The following JAZF1 variants were observed in gnomAD, a reference collection of about 807,000 sequenced individuals.
The protein encoded by JAZF1 is JAZF zinc finger 1, also known as juxtaposed with another zinc finger protein 1.
A neutral mutation model predicts 26.4 loss-of-function variants in JAZF1; 8 were observed. That is an observed-to-expected ratio of 0.30 (90% CI 0.18 to 0.55). The LOEUF is 0.55. Ranked by LOEUF, JAZF1 falls within the 20% of genes least tolerant of loss-of-function variation. JAZF1 has a pLI of 0.94. For missense variants in JAZF1, 199 were observed against 322.0 expected, an observed-to-expected ratio of 0.62 and a Z score of 2.92; for synonymous variants, 126 against 122.3, an observed-to-expected ratio of 1.03 and a Z score of -0.20.
intron 1 of JAZF1, among the ~76,000 whole-genome samples, chr7:28,161,888 G>A (rs1783297395): frequency 6.6e-6 from 1 of 152,088 alleles, no homozygotes; most frequent in African/African-American, 2.4e-5. Flanking sequence ...TCTCCTTAAG[G>A]CTCAGTGTCT....
chr7:28,062,221 A>C (rs1783808553), intron 1 of JAZF1, among the ~76,000 whole-genome samples: 1 of 152,146 alleles, frequency 6.6e-6, no homozygotes, highest in African/African-American at 2.4e-5. Context: ...GTGATAATGG[A>C]CTGGACTCGA....
chr7:27,857,386 G>A (rs759185692), intron 3 of JAZF1, among the ~76,000 whole-genome samples: 4 of 152,156 alleles, frequency 2.6e-5, no homozygotes, highest in East Asian at 1.9e-4. Flanking sequence ...TCCCACCTGC[G>A]CCTCTCCCTC....
chr7:28,123,047 C>G (rs75973920), intron 1 of JAZF1, among the ~76,000 whole-genome samples: 2,976 of 152,080 alleles, frequency 0.02, 113 homozygotes, highest in African/African-American at 0.068. Flanking sequence ...AAGTTTTTTC[C>G]AACTCCCCCA....
intron 1 of JAZF1, among the ~76,000 whole-genome samples, chr7:28,020,178 C>A (rs1782979787): frequency 6.6e-6 from 1 of 152,116 alleles, no homozygotes; most frequent in Non-Finnish European, 1.5e-5. Flanking sequence ...TGCTGAAACC[C>A]TCCTTAGATA....
At chr7:28,066,855 T>C (rs751512330) in intron 1 of JAZF1, among the ~76,000 whole-genome samples, 13 of 152,060 alleles carry the variant, frequency 8.5e-5, no homozygotes, top group Non-Finnish European at 1.5e-4. Context: ...TTATGACTCC[T>C]GAAAAGATGA....
intron 1 of JAZF1, among the ~76,000 whole-genome samples, chr7:27,997,251 G>T (rs369261029): frequency 6.6e-6 from 1 of 152,044 alleles, no homozygotes; most frequent in East Asian, 1.9e-4. Flanking sequence ...GAAAATAGGG[G>T]GGTTGTTTAA....
At chr7:28,015,033 ATGTGTGTGTGTGTGTG>A (rs397804972) in intron 1 of JAZF1, among the ~76,000 whole-genome samples, 1 of 140,690 alleles carries the variant, frequency 7.1e-6, no homozygotes, top group Admixed American at 7.0e-5. Flanking sequence ...GAAAGTGTGT[ATGTGTGTGTGTGTGTG>A]TGTGTGTGTG....
rs117092264 is a variant in JAZF1, at chr7:28,029,987, A to G, written c.116-38006T>C. 5.2e-3 allele frequency among the ~76,000 whole-genome samples: 792 copies of G among 152,334 alleles called. 4 individuals are homozygous for G. The highest frequency in any genetic ancestry group is 0.014 in the Middle Eastern group (4 of 294). On this transcript the variant is annotated intron_variant, in intron 1 of 4. Coordinates refer to ENST00000283928, the MANE Select transcript of JAZF1 (RefSeq NM_175061.4). ...CCTTACTTTCAAAATCTGAAAAATA[A>G]CAAGAGTTAATAATACAACTTGGCA... is the stretch of plus-strand genomic sequence containing the variant.
In JAZF1 at chr7:27,888,903, A is replaced by T. The variant is rs574033952; in HGVS notation, c.385+6317T>A. ...AGGAGTAACTATGCGATGCTATTAGAACCAGAAACCCAGCCAGCTCTTTCC... is the reference window on the plus strand; with the variant it reads ...AGGAGTAACTATGCGATGCTATTAGTACCAGAAACCCAGCCAGCTCTTTCC... On this transcript the variant is annotated intron_variant, in intron 3 of 4. Coordinates refer to ENST00000283928, the MANE Select transcript of JAZF1 (RefSeq NM_175061.4). 8.7e-4 allele frequency among the ~76,000 whole-genome samples: 132 copies of T among 152,324 alleles called. No homozygotes were observed. In the Middle Eastern group the frequency reaches 0.01, roughly 12 times the overall value.
At chr7:28,157,420 A>G (rs1433977382) in intron 1 of JAZF1, among the ~76,000 whole-genome samples, 2 of 152,258 alleles carry the variant, frequency 1.3e-5, no homozygotes, top group African/African-American at 4.8e-5. Context: ...CACAGACGGT[A>G]TAAAAATAAG....
chr7:27,895,293 G>T lies in JAZF1; in HGVS notation c.312C>A (p.Ser104Arg), dbSNP rs200368941. The change falls in exon 3 of 5, where the codon AGC (serine) becomes AGA (arginine). Residue 104 changes from serine (S) to arginine (R), a missense_variant. By Grantham distance (110) the Ser-to-Arg change is moderately radical (BLOSUM62 -1). Transcript: ENST00000283928. Reference sequence around the variant, plus strand: ...TCACGGGGGGAGTAAGGCTTCCACTGCTGTGGCGTGGGGGAGTGGACACAT... The same window carrying T: ...TCACGGGGGGAGTAAGGCTTCCACTTCTGTGGCGTGGGGGAGTGGACACAT... ...RGNVSTPPRH[S>R]SGSLTPPVTP... The T allele has an allele frequency of 8.7e-6, 14 of 1,607,538 alleles. No homozygotes were observed. The highest frequency in any genetic ancestry group is 1.3e-5 in the African/African-American group (1 of 74,742).
At chr7:27,893,626 T>C (rs1213591115) in intron 3 of JAZF1, among the ~76,000 whole-genome samples, 1 of 152,240 alleles carries the variant, frequency 6.6e-6, no homozygotes, top group African/African-American at 2.4e-5. Flanking sequence ...GTCAAACTTC[T>C]CTCCGGATGC....
chr7:28,047,832 T>C (rs1783523057), intron 1 of JAZF1, among the ~76,000 whole-genome samples: 2 of 152,188 alleles, frequency 1.3e-5, no homozygotes, highest in Admixed American at 1.3e-4. Flanking sequence ...AGTATTATTT[T>C]TCTGGTATTT....
intron 1 of JAZF1, among the ~76,000 whole-genome samples, chr7:28,103,992 C>T (rs1265480237): frequency 6.6e-6 from 1 of 152,158 alleles, no homozygotes. Flanking sequence ...ACGACCTTAT[C>T]TCCCCCTGCC....
rs1174294352 is a variant in JAZF1, at chr7:27,911,935, G to A, written c.189-16519C>T. On this transcript the variant is annotated intron_variant, in intron 2 of 4. Transcript: ENST00000283928. ...TTATGTTTTTAGATGAACATCTGGG[G>A]TACAAACATTATTTAAGAGTGAAGA... 3.3e-5 allele frequency among the ~76,000 whole-genome samples: 5 copies of A among 152,206 alleles called. No individual in the cohort carries two copies. In the East Asian group the frequency reaches 9.6e-4, roughly 29 times the overall value.
At chr7:28,005,671 T>C (rs570530797) in intron 1 of JAZF1, among the ~76,000 whole-genome samples, 1 of 152,296 alleles carries the variant, frequency 6.6e-6, no homozygotes, top group South Asian at 2.1e-4. Context: ...TTATCGTTCC[T>C]GATTCTGTGC....
chr7:27,978,603 AAGTGATATTACTCT>A (rs1430995989), intron 2 of JAZF1, among the ~76,000 whole-genome samples: 1 of 152,228 alleles, frequency 6.6e-6, no homozygotes, highest in Non-Finnish European at 1.5e-5. Flanking sequence ...AAGTAGGTGG[AAGTGATATTACTCT>A]AGTGATATTA....
intron 1 of JAZF1, among the ~76,000 whole-genome samples, chr7:28,109,328 T>C (rs1784602621): frequency 6.6e-6 from 1 of 152,128 alleles, no homozygotes; most frequent in African/African-American, 2.4e-5. Flanking sequence ...ATATGGTAAA[T>C]ATATTCACTT....
chr7:27,909,960 C>G (rs1176823802), intron 2 of JAZF1, among the ~76,000 whole-genome samples: 2 of 152,052 alleles, frequency 1.3e-5, no homozygotes, highest in Non-Finnish European at 2.9e-5. Flanking sequence ...TGGGAAATAC[C>G]TAACATAGAT....
Sources: allele counts gnomAD v4.1 joint callset (sites outside exome capture counted in the v4.1 genomes callset), GRCh38; gene constraint gnomAD v4.1.1; transcripts MANE v1.5; gene names NCBI Gene and HGNC (gene_info 2026-07-23, HGNC 2026-07-21).